PARM1: variants seen among roughly 807,000 people sequenced by gnomAD.
PARM1 encodes prostate androgen-regulated mucin-like protein 1, also known as WSC4, cell wall integrity and stress response component 4 homolog.
PARM1 carries 14 observed loss-of-function variants against 24.6 expected under a neutral mutation model. The observed-to-expected ratio is 0.57, with a 90% confidence interval of 0.38 to 0.89. The LOEUF (loss-of-function observed/expected upper bound fraction) is 0.89, where lower values mean the gene tolerates loss of function less well. PARM1 is among the 40% of genes least tolerant of loss of function. PARM1 has a pLI of 0.00. For synonymous variants in PARM1, 179 were observed against 156.6 expected (o/e 1.14, Z -1.07); for missense variants, 362 against 380.4 (o/e 0.95, Z 0.40).
intron 3 of PARM1, among the ~76,000 whole-genome samples, chr4:75,040,134 T>A (rs1008809629): frequency 6.6e-6 from 1 of 152,174 alleles, no homozygotes; most frequent in Non-Finnish European, 1.5e-5. Flanking sequence ...ATAGGAAAGT[T>A]TGGGGGTGCA....
chr4:74,971,254 T>C (rs780085414), intron 1 of PARM1, among the ~76,000 whole-genome samples: 3 of 151,628 alleles, frequency 2.0e-5, no homozygotes, highest in Middle Eastern at 3.4e-3. Context: ...AGCAAGAGAG[T>C]GTGTACAGGG....
intron 3 of PARM1, among the ~76,000 whole-genome samples, chr4:75,043,888 C>T (rs1723546694): frequency 6.6e-6 from 1 of 152,098 alleles, no homozygotes. Context: ...TTCCCATACC[C>T]ACAGAAATAA....
intron 1 of PARM1, among the ~76,000 whole-genome samples, chr4:74,942,991 A>C (rs969787354): frequency 2.0e-5 from 3 of 152,172 alleles, no homozygotes; most frequent in Non-Finnish European, 4.4e-5. Context: ...TGCACCAGCC[A>C]CAGGACTACC....
intron 1 of PARM1, among the ~76,000 whole-genome samples, chr4:75,011,085 G>A (rs1268624412): frequency 1.3e-5 from 2 of 152,084 alleles, no homozygotes; most frequent in African/African-American, 2.4e-5. Context: ...CAGATCCTGA[G>A]AGAACTCACT....
In PARM1 at chr4:75,003,486, T is replaced by C. The variant is rs72860978; in HGVS notation, c.44-8939T>C. 4.4e-3 allele frequency among the ~76,000 whole-genome samples: 674 copies of C among 152,248 alleles called. 7 individuals carry two copies. The highest frequency in any genetic ancestry group is 0.015 in the African/African-American group (634 of 41,544). On this transcript the variant is annotated intron_variant, in intron 1 of 3. Coordinates refer to ENST00000307428, the MANE Select transcript of PARM1 (RefSeq NM_015393.4). ...TTGAGTCATTCACCAGGTCTGCAGG[T>C]TGTGATTCAGTGGCTAGAAAACAGA...
chr4:75,036,679 G>A lies in PARM1; in HGVS notation c.848+2718G>A, dbSNP rs189629822. Among the ~76,000 whole-genome samples the A allele has an allele frequency of 5.1e-3, 780 of 152,158 alleles. 3 individuals carry two copies. Among genetic ancestry groups the A allele is most frequent in the Non-Finnish European group, 8.1e-3 (549 of 68,018 alleles). ...CATGTTTGGAAAATTTTGTTAGCAG[G>A]CCATTACAATTTGCTCTGATGAGTG... On this transcript the variant is annotated intron_variant, in intron 3 of 3. Transcript: ENST00000307428.
chr4:75,017,067 C>A (rs1305578690), intron 2 of PARM1, among the ~76,000 whole-genome samples: 1 of 152,108 alleles, frequency 6.6e-6, no homozygotes, highest in East Asian at 1.9e-4. Context: ...TCCTAGACTC[C>A]TTTCTTTCTC....
At chr4:74,995,489 A>T (rs1722558525) in intron 1 of PARM1, among the ~76,000 whole-genome samples, 1 of 152,170 alleles carries the variant, frequency 6.6e-6, no homozygotes, top group Non-Finnish European at 1.5e-5. Flanking sequence ...GTATATCATT[A>T]TTGTCCCTAC....
chr4:74,955,993 G>T (rs765273300), intron 1 of PARM1: 7 of 152,176 alleles, frequency 4.6e-5, no homozygotes, highest in African/African-American at 7.2e-5. Flanking sequence ...TAGCAAGTAT[G>T]AATTTTAATT....
chr4:75,009,667 G>A (rs189526518), intron 1 of PARM1, among the ~76,000 whole-genome samples: 56 of 152,296 alleles, frequency 3.7e-4, no homozygotes, highest in African/African-American at 1.3e-3. Flanking sequence ...GTGACATGTG[G>A]AAAAGAGTGG....
At chr4:74,991,398 T>C (rs888644802) in intron 1 of PARM1, among the ~76,000 whole-genome samples, 2 of 151,906 alleles carry the variant, frequency 1.3e-5, no homozygotes, top group African/African-American at 4.8e-5. Flanking sequence ...CAGGCTAGCG[T>C]TGAGGGAAAA....
intron 1 of PARM1, among the ~76,000 whole-genome samples, chr4:74,986,663 G>T (rs1360328523): frequency 6.6e-6 from 1 of 152,204 alleles, no homozygotes; most frequent in East Asian, 1.9e-4. Flanking sequence ...TGGAAATGAA[G>T]GGGTCGGGGC....
At chr4:74,960,613 A>C (rs1373272579) in intron 1 of PARM1, among the ~76,000 whole-genome samples, 1 of 152,214 alleles carries the variant, frequency 6.6e-6, no homozygotes, top group Non-Finnish European at 1.5e-5. Flanking sequence ...AACAACAAAA[A>C]TCACAAGACA....
intron 1 of PARM1, among the ~76,000 whole-genome samples, chr4:74,958,370 A>T (rs1721693172): frequency 6.6e-6 from 1 of 152,220 alleles, no homozygotes; most frequent in Admixed American, 6.5e-5. Flanking sequence ...AAGGCAGCCT[A>T]GTAGGCTGTG....
intron 2 of PARM1, among the ~76,000 whole-genome samples, chr4:75,014,481 A>G (rs1722940750): frequency 6.6e-6 from 1 of 152,162 alleles, no homozygotes; most frequent in Non-Finnish European, 1.5e-5. Context: ...AGGAGGGAGT[A>G]GTAACCAGAA....
intron 2 of PARM1, among the ~76,000 whole-genome samples, chr4:75,022,768 C>T (rs1356988036): frequency 6.6e-6 from 1 of 152,140 alleles, no homozygotes; most frequent in Non-Finnish European, 1.5e-5. Flanking sequence ...CTCAAAAAAG[C>T]ATGCCTTTTT....
intron 1 of PARM1, among the ~76,000 whole-genome samples, chr4:74,935,194 C>T (rs1336670157): frequency 6.6e-6 from 1 of 151,940 alleles, no homozygotes; most frequent in Non-Finnish European, 1.5e-5. Flanking sequence ...AGGCTCGAGA[C>T]TCAGGAAGAC....
chr4:75,038,793 ATTTGT>A (rs1258472273), intron 3 of PARM1, among the ~76,000 whole-genome samples: 10 of 152,196 alleles, frequency 6.6e-5, no homozygotes, highest in African/African-American at 2.4e-4. Flanking sequence ...GTCTGTTTTG[ATTTGT>A]TTAAGTTGGC....
At chr4:75,016,166 G>A (rs1722981592) in intron 2 of PARM1, among the ~76,000 whole-genome samples, 1 of 152,152 alleles carries the variant, frequency 6.6e-6, no homozygotes, top group African/African-American at 2.4e-5. Context: ...AGGGAGCTGA[G>A]TTGCAGAAAA....
Sources: allele counts gnomAD v4.1 joint callset (sites outside exome capture counted in the v4.1 genomes callset), GRCh38; gene constraint gnomAD v4.1.1; transcripts MANE v1.5; gene names NCBI Gene and HGNC (gene_info 2026-07-23, HGNC 2026-07-21).